Variants in DNAJC9 observed in about 807,000 individuals in gnomAD.
DNAJC9 encodes dnaJ homolog subfamily C member 9.
A neutral mutation model predicts 32.4 loss-of-function variants in DNAJC9; 18 were observed. The observed-to-expected ratio is 0.56, with a 90% CI of 0.38 to 0.82. The LOEUF is 0.82. Ranked by LOEUF, DNAJC9 falls within the 40% of genes least tolerant of loss-of-function variation. The probability of loss-of-function intolerance (pLI) is 0.00; values close to 1 mark genes in which losing one functional copy is unlikely to be tolerated. For synonymous variants in DNAJC9, 113 were observed against 122.1 expected, an observed-to-expected ratio of 0.93 and a Z score of 0.49; for missense variants, 310 against 321.8, an observed-to-expected ratio of 0.96 and a Z score of 0.28.
intron 3 of DNAJC9, among the ~76,000 whole-genome samples, chr10:73,245,484 C>T (rs558976993): frequency 1.1e-4 from 16 of 151,938 alleles, no homozygotes; most frequent in African/African-American, 3.9e-4. Context: ...AATTCTGTAT[C>T]CAACTCAAGA....
chr10:73,237,043 GTGTGTC>G (rs2043838565), downstream of DNAJC9, among the ~76,000 whole-genome samples: 1 of 152,100 alleles, frequency 6.6e-6, no homozygotes, highest in African/African-American at 2.4e-5. Context: ...TTTCCTCCCT[GTGTGTC>G]TGTGTCCAGG....
chr10:73,239,686 C>T (rs1302288783), downstream of DNAJC9, among the ~76,000 whole-genome samples: 1 of 150,878 alleles, frequency 6.6e-6, no homozygotes, highest in African/African-American at 2.4e-5. Context: ...AAGTTCAACC[C>T]AAATTAGTCC....
downstream of DNAJC9, among the ~76,000 whole-genome samples, chr10:73,236,579 A>T (rs187712019): frequency 5.1e-4 from 78 of 151,730 alleles, 1 homozygote; most frequent in African/African-American, 1.6e-3. Context: ...ACGCCCAGCT[A>T]ATTTTTGTAA....
At chr10:73,238,571 G>A (rs1053792488), downstream of DNAJC9, among the ~76,000 whole-genome samples, 3 of 152,228 alleles carry the variant, frequency 2.0e-5, no homozygotes, top group African/African-American at 7.2e-5. Flanking sequence ...GCGAAGCTGA[G>A]TAATTGCAAC....
At chr10:73,246,891 A>G in intron 1 of DNAJC9, 63 bp from the exon 2 acceptor site, 1 of 1,609,034 alleles carries the variant, frequency 6.2e-7, no homozygotes, top group Non-Finnish European at 8.5e-7. Flanking sequence ...GGCGCGAGAA[A>G]TAAAGATCAG....
At chr10:73,232,344 A>G (rs1164035399) in intron 2 of DNAJC9, among the ~76,000 whole-genome samples, 2 of 152,218 alleles carry the variant, frequency 1.3e-5, no homozygotes, top group African/African-American at 4.8e-5. Context: ...TTATGCAAAT[A>G]GGGCTACTGT....
intron 2 of DNAJC9, 57 bp from the exon 3 acceptor site, chr10:73,246,233 C>A (rs1589206629): frequency 2.6e-6 from 4 of 1,562,740 alleles, no homozygotes; most frequent in Admixed American, 2.1e-5. Flanking sequence ...ATAAAACGTA[C>A]GTTAGTAAAA....
chr10:73,237,996 C>A (rs115125541), downstream of DNAJC9, among the ~76,000 whole-genome samples: 4,756 of 152,186 alleles, frequency 0.031, 245 homozygotes, highest in African/African-American at 0.1. Context: ...CTTACCATTT[C>A]TCTCCCCATT....
downstream of DNAJC9, among the ~76,000 whole-genome samples, chr10:73,237,561 A>G (rs915188353): frequency 3.9e-5 from 6 of 152,028 alleles, no homozygotes; most frequent in African/African-American, 1.5e-4. Flanking sequence ...CTGGGACTAC[A>G]GGCACCTGCC....
chr10:73,237,459 C>T (rs572091177), downstream of DNAJC9, among the ~76,000 whole-genome samples: 15 of 152,172 alleles, frequency 9.9e-5, no homozygotes, highest in East Asian at 2.9e-3. Context: ...CTCTGTCGCC[C>T]AGGCTAGAGT....
chr10:73,236,891 T>C (rs1193030070), downstream of DNAJC9, among the ~76,000 whole-genome samples: 1 of 151,820 alleles, frequency 6.6e-6, no homozygotes, highest in Non-Finnish European at 1.5e-5. Flanking sequence ...AATTTTTTTA[T>C]TTTGTAGAGA....
intron 3 of DNAJC9, among the ~76,000 whole-genome samples, chr10:73,245,200 G>A (rs1344030273): frequency 6.6e-6 from 1 of 152,024 alleles, no homozygotes; most frequent in Non-Finnish European, 1.5e-5. Context: ...AAACAAAAAG[G>A]TCAGCTTTCT....
chr10:73,239,064 T>C (rs1230696699), downstream of DNAJC9: 2 of 403,336 alleles, frequency 5.0e-6, no homozygotes, highest in Non-Finnish European at 8.9e-6. Context: ...TTATAACTCC[T>C]GATTTCCTTA....
downstream of DNAJC9, chr10:73,240,859 T>C (rs564534791): frequency 5.1e-6 from 4 of 779,024 alleles, no homozygotes; most frequent in Admixed American, 2.1e-5. Flanking sequence ...CAATTCATAA[T>C]TGGAGCAAAA....
chr10:73,235,681 G>A (rs936897725), downstream of DNAJC9, among the ~76,000 whole-genome samples: 2 of 152,138 alleles, frequency 1.3e-5, no homozygotes, highest in Admixed American at 6.5e-5. Flanking sequence ...AGTCCTGGTG[G>A]ATGAGTGAGT....
chr10:73,247,044 T>C lies in DNAJC9; in HGVS notation c.146A>G (p.Glu49Gly). Residue 49 changes from glutamate to glycine, a missense_variant, in exon 1 of 5, where the codon GAG becomes GGG. Coordinates refer to ENST00000372950, the MANE Select transcript of DNAJC9 (RefSeq NM_015190.5). ...SLQVHPDRVGEGDKEDATRRF... is the reference protein window; with the variant it reads ...SLQVHPDRVGGGDKEDATRRF... ...GCGGGTGGCGTCCTCCTTGTCGCCCTCACCCACCCGGTCCGGGTGTACCTG... is the reference window on the plus strand; with the variant it reads ...GCGGGTGGCGTCCTCCTTGTCGCCCCCACCCACCCGGTCCGGGTGTACCTG... 6.4e-7 allele frequency: 1 copy of C among 1,554,092 alleles called. No individual in the cohort carries two copies. Among genetic ancestry groups the C allele is most frequent in the South Asian group, 1.2e-5 (1 of 83,414 alleles).
intron 3 of DNAJC9, chr10:73,244,206 G>C (rs747720977): frequency 3.6e-5 from 14 of 391,644 alleles, no homozygotes; most frequent in Non-Finnish European, 5.5e-5. Flanking sequence ...TGATAAAAAG[G>C]AACATGAGGC....
intron 2 of DNAJC9, among the ~76,000 whole-genome samples, chr10:73,232,706 C>G (rs1301406666): frequency 1.3e-5 from 2 of 152,152 alleles, no homozygotes; most frequent in African/African-American, 4.8e-5. Context: ...TGCCAAATGT[C>G]CATTCTAGTA....
chr10:73,240,344 G>A (rs1020278627), downstream of DNAJC9, among the ~76,000 whole-genome samples: 1 of 152,172 alleles, frequency 6.6e-6, no homozygotes, highest in African/African-American at 2.4e-5. Flanking sequence ...AGCATTGTCT[G>A]GTAGTCTTTG....
Sources: gnomAD v4.1 joint callset for allele counts (sites outside exome capture counted in the v4.1 genomes callset) on GRCh38, gnomAD v4.1.1 for gene constraint, MANE v1.5 for transcripts, NCBI Gene and HGNC (gene_info 2026-07-23, HGNC 2026-07-21) for gene names.